Variants in KIF7 observed in about 807,000 individuals in gnomAD.
KIF7 encodes kinesin-like protein KIF7.
Under a neutral mutation model 135.7 loss-of-function variants are expected in KIF7, and 104 were observed. The ratio of observed to expected loss-of-function variants is 0.77; its 90% CI spans 0.65 to 0.90. The LOEUF (loss-of-function observed/expected upper bound fraction) is 0.90. Among genes scored for constraint, KIF7 ranks in the 40% least tolerant of loss-of-function variants. The pLI is 0.00. For missense variants in KIF7, 2,005 were observed against 1,839.1 expected (o/e 1.09, Z -1.65); for synonymous variants, 883 against 809.4 (o/e 1.09, Z -1.54).
Position 89,631,584 on chromosome 15 carries a change from C to T in KIF7, c.3022G>A (p.Asp1008Asn), listed in dbSNP as rs775366403. ...GAGTCCTTCTCCTGGCGCAGGCTGT[C>T]GATCTCCCCGCGGATCTGCTGCTGG... ...QSQQQIRGEIDSLRQEKDSLL... is the reference protein window; with the variant it reads ...QSQQQIRGEINSLRQEKDSLL... The change falls in exon 15 of 19, where the codon GAC becomes AAC. Residue 1008 changes from aspartate to asparagine, a missense_variant. Physicochemically the swap from Asp to Asn is conservative, Grantham distance 23 (BLOSUM62 1). Coordinates refer to ENST00000394412, the MANE Select transcript of KIF7 (RefSeq NM_198525.3). 3.8e-6 allele frequency: 6 copies of T among 1,565,614 alleles called. No individual in the cohort carries two copies. Among genetic ancestry groups the T allele is most frequent in the South Asian group, 3.5e-5 (3 of 85,400 alleles).
At chr15:89,656,906 C>A (rs187686123), upstream of KIF7, among the ~76,000 whole-genome samples, 12 of 152,272 alleles carry the variant, frequency 7.9e-5, no homozygotes, top group East Asian at 2.3e-3. Context: ...CAAAGAGAAT[C>A]ATTTTAGACC....
intron 11 of KIF7, among the ~76,000 whole-genome samples, chr15:89,636,454 C>T (rs529352948): frequency 0.029 from 3,527 of 121,630 alleles, 105 homozygotes; most frequent in African/African-American, 0.11. Context: ...CAGAGACACA[C>T]ATAGGCTCAA....
chr15:89,654,123 C>A (rs1372494503), intron 1 of KIF7, among the ~76,000 whole-genome samples: 1 of 152,158 alleles, frequency 6.6e-6, no homozygotes, highest in African/African-American at 2.4e-5. Context: ...CATTCTCCTG[C>A]CTCAGCCTCC....
downstream of KIF7, among the ~76,000 whole-genome samples, chr15:89,626,217 A>G (rs1021843986): frequency 1.3e-5 from 2 of 152,156 alleles, no homozygotes; most frequent in African/African-American, 2.4e-5. Context: ...CTTCCCAGAG[A>G]AACTCCACAT....
chr15:89,628,286 C>T lies in KIF7; in HGVS notation c.*133G>A, dbSNP rs762353041. 2.5e-6 allele frequency: 3 copies of T among 1,184,342 alleles called. No homozygotes were observed. The highest frequency in any genetic ancestry group is 2.3e-6 in the Non-Finnish European group (2 of 859,540). 73.4% of individuals were successfully genotyped at this position (1,184,342 alleles called of 1,614,324 possible). ...TGGGCCATGGCCCAAATTTGTTGATCCCAGTGAGGGTACAGATGAGGGCCT... is the reference window on the plus strand; with the variant it reads ...TGGGCCATGGCCCAAATTTGTTGATTCCAGTGAGGGTACAGATGAGGGCCT... On this transcript the variant is annotated 3_prime_UTR_variant, in exon 19 of 19. Coordinates refer to ENST00000394412, the MANE Select transcript of KIF7 (RefSeq NM_198525.3).
intron 11 of KIF7, among the ~76,000 whole-genome samples, chr15:89,640,633 G>C (rs1199147621): frequency 6.6e-6 from 1 of 152,002 alleles, no homozygotes; most frequent in African/African-American, 2.4e-5. Flanking sequence ...TGCAAGGATG[G>C]ACGGATGGAA....
chr15:89,644,899 C>T, intron 10 of KIF7, 114 bp downstream of exon 10: 3 of 1,402,936 alleles, frequency 2.1e-6, no homozygotes, highest in Non-Finnish European at 3.0e-6. Context: ...CAAACCTAGG[C>T]CATCCGGCCC....
intron 2 of KIF7, 92 bp from the exon 3 acceptor site, chr15:89,650,033 G>C (rs141720203): frequency 5.9e-4 from 772 of 1,300,804 alleles, no homozygotes; most frequent in Non-Finnish European, 7.7e-4. Flanking sequence ...GCCAGAGCTG[G>C]AGGATGGTGC....
rs1170271112 is a variant in KIF7 at position 89,649,673 on chromosome 15, C to A, written c.529+68G>T. On this transcript the variant is annotated intron_variant, in intron 3 of 18. Transcript: ENST00000394412. ...GTTGCCATTCCCAGACAGGTAAGCA[C>A]TCCACTCCAAACAGGTGAAGCCCCC... is the stretch of plus-strand genomic sequence containing the variant. The A allele has an allele frequency of 6.7e-6, 10 of 1,490,056 alleles. No homozygotes were observed. In the East Asian group the frequency reaches 2.5e-4, roughly 37 times the overall value. 92.3% of individuals were successfully genotyped at this position (1,490,056 alleles called of 1,614,324 possible).
downstream of KIF7, chr15:89,625,691 GAGA>G: frequency 6.2e-7 from 1 of 1,613,762 alleles, no homozygotes. Flanking sequence ...TGTGACCTGA[GAGA>G]AGATTCAGAA....
At chr15:89,633,018 G>GTGA (rs751496496) in intron 13 of KIF7, 22 bp from the exon 14 acceptor site, 1 of 1,584,860 alleles carries the variant, frequency 6.3e-7, no homozygotes, top group South Asian at 1.1e-5. Context: ...TAGGGAGGGA[G>GTGA]GGAGGGAACT....
intron 5 of KIF7, 60 bp downstream of exon 5, chr15:89,648,195 C>A: frequency 1.4e-6 from 2 of 1,413,724 alleles, no homozygotes; most frequent in Non-Finnish European, 9.3e-7. Flanking sequence ...AGACCCTCTT[C>A]CTTCCTCTCC....
intron 1 of KIF7, 99 bp from the exon 2 acceptor site, chr15:89,653,053 T>C: frequency 8.4e-6 from 8 of 954,804 alleles, no homozygotes; most frequent in South Asian, 3.8e-5. Context: ...GCTCCTGACC[T>C]TGGAGGGATT....
rs1199012519 is a variant in KIF7, at chr15:89,633,203, C to A, written c.2656G>T (p.Ala886Ser). 6.2e-7 allele frequency: 1 copy of A among 1,601,390 alleles called. No individual in the cohort carries two copies. Among genetic ancestry groups the A allele is most frequent in the Non-Finnish European group, 8.5e-7 (1 of 1,176,848 alleles). ...ILKIKTEEIA[A>S]FQRKRRSGSN... The stretch of plus-strand genomic sequence containing the variant: ...CCACTGCGCCTCTTCCTCTGGAATG[C>A]CGCGATCTCTTCCGTCTTAATCTTC... Residue 886 changes from alanine to serine, a missense_variant, in exon 13 of 19, where the codon GCA becomes TCA. Ala to Ser is a moderately conservative substitution (Grantham distance 99, BLOSUM62 1). Transcript: ENST00000394412.
intron 11 of KIF7, among the ~76,000 whole-genome samples, chr15:89,638,633 G>A (rs1010517296): frequency 6.6e-6 from 1 of 151,024 alleles, no homozygotes; most frequent in Non-Finnish European, 1.5e-5. Flanking sequence ...CACTGCTCAA[G>A]GAAATAAAAG....
At chr15:89,646,469 T>C (rs1479452169) in intron 7 of KIF7, among the ~76,000 whole-genome samples, 1 of 152,098 alleles carries the variant, frequency 6.6e-6, no homozygotes, top group East Asian at 1.9e-4. Flanking sequence ...AAAGTGAACT[T>C]GCAAAGAGAG....
At chr15:89,618,888 G>T (rs1381284557) in intron 1 of KIF7, among the ~76,000 whole-genome samples, 2 of 152,254 alleles carry the variant, frequency 1.3e-5, no homozygotes, top group Non-Finnish European at 2.9e-5. Flanking sequence ...GAGCTCTGGA[G>T]TTCAAGGCTG....
At position 89,648,734 on chromosome 15, in the gene KIF7, T is replaced by C. The variant is rs1210677295; in HGVS notation, c.964A>G (p.Met322Val). 3.9e-6 allele frequency: 6 copies of C among 1,536,178 alleles called. No individual in the cohort carries two copies. The Admixed American group carries it at 9.8e-5, about 25-fold the overall frequency. ...GAGGAAGGGCTGACGCAGGCGATCA[T>C]CACCGTCTTGGCGTTCCCGCCCAGC... ...DSLGGNAKTV[M>V]IACVSPSSSD... is the part of the protein sequence containing the mutation. The change falls in exon 5 of 19, where the codon ATG becomes GTG. Residue 322 changes from methionine to valine, a missense_variant. Physicochemically the swap from Met to Val is conservative, Grantham distance 21. Transcript: ENST00000394412.
chr15:89,634,338 T>C (rs903079340), intron 11 of KIF7, among the ~76,000 whole-genome samples: 1 of 152,108 alleles, frequency 6.6e-6, no homozygotes, highest in Admixed American at 6.5e-5. Flanking sequence ...GATGGCCGAA[T>C]AGGAACAGCT....
Sources: allele counts gnomAD v4.1 joint callset (sites outside exome capture counted in the v4.1 genomes callset), GRCh38; gene constraint gnomAD v4.1.1; transcripts MANE v1.5; gene names NCBI Gene and HGNC (gene_info 2026-07-23, HGNC 2026-07-21).